The following WDR49 variants were observed in gnomAD, a reference collection of about 807,000 sequenced individuals.
WDR49 encodes cilia- and flagella-associated protein 337.
WDR49 carries 107 observed loss-of-function variants against 119.5 expected under a neutral mutation model. The ratio of observed to expected loss-of-function variants is 0.90; its 90% confidence interval spans 0.77 to 1.05. The LOEUF (loss-of-function observed/expected upper bound fraction) is 1.05. WDR49 is among the 50% of genes least tolerant of loss of function. WDR49 has a pLI of 0.00. For missense variants in WDR49, 1,240 were observed against 1,220.5 expected (o/e 1.02, Z -0.24); for synonymous variants, 425 against 418.8 (o/e 1.01, Z -0.18).
intron 7 of WDR49, among the ~76,000 whole-genome samples, chr3:167,589,867 T>C (rs778968499): frequency 2.6e-5 from 4 of 152,240 alleles, no homozygotes; most frequent in African/African-American, 4.8e-5. Flanking sequence ...CAAATAAGGA[T>C]AATGTGCTTT....
chr3:167,519,446 T>C (rs1382671190), intron 16 of WDR49, among the ~76,000 whole-genome samples: 1 of 152,172 alleles, frequency 6.6e-6, no homozygotes, highest in Admixed American at 6.5e-5. Flanking sequence ...CATGGAATAC[T>C]ATACAGCCAC....
chr3:167,557,627 C>T (rs1713013531), intron 9 of WDR49, among the ~76,000 whole-genome samples: 3 of 151,976 alleles, frequency 2.0e-5, no homozygotes, highest in African/African-American at 7.2e-5. Context: ...GTGGCAGGCG[C>T]CTGTAGTCCC....
At chr3:167,498,487 G>A (rs190853501) in intron 18 of WDR49, among the ~76,000 whole-genome samples, 2 of 152,156 alleles carry the variant, frequency 1.3e-5, no homozygotes, top group East Asian at 1.9e-4. Flanking sequence ...TTTAGAGGAA[G>A]AGTAAATACT....
At chr3:167,552,278 A>G (rs1029059162) in intron 10 of WDR49, among the ~76,000 whole-genome samples, 4 of 152,136 alleles carry the variant, frequency 2.6e-5, no homozygotes, top group Non-Finnish European at 4.4e-5. Context: ...TTCATTGGAG[A>G]AAGAAATCCC....
intron 8 of WDR49, among the ~76,000 whole-genome samples, chr3:167,570,555 T>C (rs1217839575): frequency 6.6e-6 from 1 of 152,230 alleles, no homozygotes; most frequent in Non-Finnish European, 1.5e-5. Flanking sequence ...AAGGTAACTA[T>C]AAATTGTAAA....
chr3:167,482,838 G>A (rs529683341), intron 18 of WDR49, among the ~76,000 whole-genome samples: 48 of 152,244 alleles, frequency 3.2e-4, no homozygotes, highest in African/African-American at 1.1e-3. Context: ...GCCTGACAAT[G>A]TATAAATGAT....
chr3:167,564,805 C>T (rs776456336), intron 8 of WDR49, among the ~76,000 whole-genome samples: 5 of 152,070 alleles, frequency 3.3e-5, no homozygotes, highest in Non-Finnish European at 5.9e-5. Context: ...AATTCTAAGA[C>T]ATGTGAGGCT....
intron 10 of WDR49, among the ~76,000 whole-genome samples, chr3:167,546,861 T>A (rs1207615208): frequency 1.3e-5 from 2 of 151,864 alleles, no homozygotes; most frequent in East Asian, 3.9e-4. Context: ...AGTCCTATTG[T>A]CATGTCTTGT....
In WDR49 at chr3:167,629,071, C is replaced by T. The variant is rs917239712; in HGVS notation, c.166-1779G>A. Among the ~76,000 whole-genome samples, 15 of 152,044 alleles carry T rather than the reference C, an allele frequency of 9.9e-5. 1 individual carries two copies. Among genetic ancestry groups the T allele is most frequent in the Admixed American group, 9.8e-4 (15 of 15,236 alleles). ...CAGAGTTTGAGAAAAGACTGAGCAA[C>T]ATAGTGAGACTCCATCTCTACAAAA... On this transcript the variant is annotated intron_variant, in intron 2 of 18. Coordinates refer to ENST00000682715, the MANE Select transcript of WDR49 (RefSeq NM_001366157.1).
At chr3:167,481,647 G>A (rs1401061595) in intron 18 of WDR49, among the ~76,000 whole-genome samples, 1 of 152,102 alleles carries the variant, frequency 6.6e-6, no homozygotes, top group Non-Finnish European at 1.5e-5. Flanking sequence ...AGCTTTAATT[G>A]GACTTAATAG....
At position 167,541,754 on chromosome 3, in the gene WDR49, A is replaced by AAT. The variant is rs552386620; in HGVS notation, c.1824-4756_1824-4755dup. On this transcript the variant is annotated intron_variant, in intron 10 of 18. Coordinates refer to ENST00000682715, the MANE Select transcript of WDR49 (RefSeq NM_001366157.1). The stretch of plus-strand genomic sequence containing the variant: ...TAAATGCTCTGCTTAAAGGATACAG[A>AAT]ATGCCAGAATGGATAAAAATCCACC... 7.6e-3 allele frequency among the ~76,000 whole-genome samples: 1,164 copies of AAT among 152,266 alleles called. 16 individuals carry two copies. Among genetic ancestry groups the AAT allele is most frequent in the African/African-American group, 0.027 (1,102 of 41,550 alleles).
At chr3:167,620,305 A>T (rs914401167) in intron 5 of WDR49, 124 bp downstream of exon 5, 1 of 1,001,536 alleles carries the variant, frequency 1.0e-6, no homozygotes, top group Non-Finnish European at 1.4e-6. Flanking sequence ...CCAGGCCACA[A>T]CCTCCAGAGA....
chr3:167,628,689 T>C (rs1717236580), intron 2 of WDR49, among the ~76,000 whole-genome samples: 1 of 152,244 alleles, frequency 6.6e-6, no homozygotes, highest in Admixed American at 6.5e-5. Flanking sequence ...CAGAAACTGC[T>C]GATGTGGAAG....
chr3:167,491,692 A>T (rs1751137711), intron 18 of WDR49, among the ~76,000 whole-genome samples: 1 of 152,152 alleles, frequency 6.6e-6, no homozygotes, highest in African/African-American at 2.4e-5. Context: ...TACAGATACA[A>T]TGTGAATGGG....
chr3:167,626,662 G>A (rs1445795738), intron 3 of WDR49, among the ~76,000 whole-genome samples, 190 bp downstream of exon 3: 1 of 151,962 alleles, frequency 6.6e-6, no homozygotes, highest in African/African-American at 2.4e-5. Context: ...ACAGAGCCAG[G>A]AATCTGAGTC....
chr3:167,648,452 A>G (rs1012821365), intron 2 of WDR49, among the ~76,000 whole-genome samples: 1 of 152,226 alleles, frequency 6.6e-6, no homozygotes, highest in African/African-American at 2.4e-5. Context: ...TAGTTGTAAG[A>G]GTTGAACACT....
intron 8 of WDR49, among the ~76,000 whole-genome samples, chr3:167,570,032 C>T (rs1234209603): frequency 6.6e-6 from 1 of 151,708 alleles, no homozygotes; most frequent in Non-Finnish European, 1.5e-5. Flanking sequence ...AAACTAGTAA[C>T]TTCTTATGTT....
At chr3:167,551,602 T>A (rs191999425) in intron 10 of WDR49, among the ~76,000 whole-genome samples, 76 of 152,150 alleles carry the variant, frequency 5.0e-4, no homozygotes, top group Non-Finnish European at 9.0e-4. Flanking sequence ...TTTGTCACCT[T>A]GGCTGAGCTA....
At chr3:167,523,467 CT>C (rs1361726452) in intron 15 of WDR49, among the ~76,000 whole-genome samples, 1 of 151,260 alleles carries the variant, frequency 6.6e-6, no homozygotes, top group Non-Finnish European at 1.5e-5. Flanking sequence ...GCCATGGTGG[CT>C]TGCTGCACCT....
Sources: gnomAD v4.1 joint callset for allele counts (sites outside exome capture counted in the v4.1 genomes callset) on GRCh38, gnomAD v4.1.1 for gene constraint, MANE v1.5 for transcripts, NCBI Gene and HGNC (gene_info 2026-07-23, HGNC 2026-07-21) for gene names.